FOCAD: variants seen among roughly 807,000 people sequenced by gnomAD.
The protein encoded by FOCAD is focadhesin.
In FOCAD, 198 loss-of-function variants were observed where a neutral mutation model predicts 225.6. That is an observed-to-expected ratio of 0.88 (90% CI 0.78 to 0.99). The LOEUF (loss-of-function observed/expected upper bound fraction) is 0.99. Among genes scored for constraint, FOCAD ranks in the 50% least tolerant of loss-of-function variants. The pLI is 0.00. For synonymous variants in FOCAD, 897 were observed against 755.0 expected (o/e 1.19, Z -3.08); for missense variants, 2,713 against 2,123.6 (o/e 1.28, Z -5.46).
At chr9:20,677,337 A>G (rs1417875030) in intron 2 of FOCAD, among the ~76,000 whole-genome samples, 1 of 152,204 alleles carries the variant, frequency 6.6e-6, no homozygotes, top group East Asian at 1.9e-4. Context: ...TATGACCCCA[A>G]AAGCACAGGC....
At chr9:20,980,026 A>G (rs1031486643) in intron 37 of FOCAD, among the ~76,000 whole-genome samples, 1 of 152,162 alleles carries the variant, frequency 6.6e-6, no homozygotes, top group African/African-American at 2.4e-5. Flanking sequence ...GCTTGCTTGT[A>G]GTCATTCCCC....
intron 28 of FOCAD, among the ~76,000 whole-genome samples, chr9:20,936,624 C>T (rs561208171): frequency 2.3e-4 from 35 of 151,978 alleles, no homozygotes; most frequent in Non-Finnish European, 4.9e-4. Context: ...GTCAGGAGAT[C>T]GAGACTGTCC....
chr9:20,898,855 G>A (rs2131963720), intron 21 of FOCAD, among the ~76,000 whole-genome samples: 1 of 152,070 alleles, frequency 6.6e-6, no homozygotes, highest in Middle Eastern at 3.4e-3. Flanking sequence ...TAATGTAGTG[G>A]TAAGGTGTTG....
intron 2 of FOCAD, among the ~76,000 whole-genome samples, chr9:20,672,543 C>T (rs952747965): frequency 3.9e-5 from 6 of 152,180 alleles, no homozygotes; most frequent in African/African-American, 1.4e-4. Flanking sequence ...CTCTGCCTCC[C>T]GGGCTCACGC....
chr9:20,699,419 C>G (rs1823653963), intron 1 of FOCAD, among the ~76,000 whole-genome samples: 1 of 151,782 alleles, frequency 6.6e-6, no homozygotes, highest in South Asian at 2.1e-4. Flanking sequence ...ATCATATATA[C>G]TAGTTTTAAC....
At chr9:20,947,639 T>C (rs931351133) in intron 30 of FOCAD, among the ~76,000 whole-genome samples, 1 of 152,102 alleles carries the variant, frequency 6.6e-6, no homozygotes, top group African/African-American at 2.4e-5. Flanking sequence ...GTAAAGATGA[T>C]AAATTTTAAG....
intron 1 of FOCAD, among the ~76,000 whole-genome samples, chr9:20,688,402 C>T (rs1171192341): frequency 6.6e-6 from 1 of 152,010 alleles, no homozygotes; most frequent in Non-Finnish European, 1.5e-5. Context: ...TTATGACTTG[C>T]CGAGATAGGA....
At chr9:20,892,516 G>A (rs1187045202) in intron 21 of FOCAD, among the ~76,000 whole-genome samples, 1 of 152,068 alleles carries the variant, frequency 6.6e-6, no homozygotes, top group Non-Finnish European at 1.5e-5. Context: ...TTTCGGTGGA[G>A]GAAGTCACTG....
At position 20,767,907 on chromosome 9, in the gene FOCAD, A is replaced by G. The variant is rs975004089; in HGVS notation, c.700-2125A>G. Among the ~76,000 whole-genome samples, 8 of 152,220 alleles carry G rather than the reference A, an allele frequency of 5.3e-5. No homozygotes were observed. In the East Asian group the frequency reaches 1.2e-3, roughly 22 times the overall value. On this transcript the variant is annotated intron_variant, in intron 7 of 43. Transcript: ENST00000338382. ...GGACATGAAGTCCTTGCCCATGCCT[A>G]TGTCCTGAATGGTGATGCCTAGGTT...
At chr9:20,844,957 T>C (rs1826930156) in intron 15 of FOCAD, among the ~76,000 whole-genome samples, 1 of 152,092 alleles carries the variant, frequency 6.6e-6, no homozygotes, top group Non-Finnish European at 1.5e-5. Context: ...ACTGTAAATG[T>C]TTATTTTCAT....
rs763121338 is a variant in FOCAD at position 20,789,609 on chromosome 9, G to T, written c.1455+1G>T. ...ATTAGCCCAAGCAGATTCCTCCCAGGTAAAGCAAGAGAATAATGGAACAAT... is the reference window on the plus strand; with the variant it reads ...ATTAGCCCAAGCAGATTCCTCCCAGTTAAAGCAAGAGAATAATGGAACAAT... On this transcript the variant is annotated splice_donor_variant, in intron 11 of 43. Transcript: ENST00000338382. LOFTEE classifies it high-confidence loss of function. 66 of 1,613,476 alleles carry T rather than the reference G, an allele frequency of 4.1e-5. No homozygotes were observed. Among genetic ancestry groups the T allele is most frequent in the Non-Finnish European group, 5.4e-5 (64 of 1,179,696 alleles).
At chr9:20,876,514 A>C (rs1986632) in intron 19 of FOCAD, among the ~76,000 whole-genome samples, 91,323 of 151,944 alleles carry the variant, frequency 0.6, 27,627 homozygotes, top group East Asian at 0.67. Flanking sequence ...TATTACCTGG[A>C]TCTTCTACAT....
At position 20,761,455 on chromosome 9, in the gene FOCAD, C is replaced by G. The variant is rs563463258; in HGVS notation, c.494+3264C>G. On this transcript the variant is annotated intron_variant, in intron 6 of 43. Transcript: ENST00000338382. ...TTTTTTTTTGTGGCAGAGTCTCACT[C>G]TGTTGCCCAGGCTGGAGTGCAGTGG... Among the ~76,000 whole-genome samples, 17 of 152,010 alleles carry G rather than the reference C, an allele frequency of 1.1e-4. No individual in the cohort carries two copies. The East Asian group carries it at 1.5e-3, about 14-fold the overall frequency.
chr9:20,832,068 T>C (rs966652084), intron 15 of FOCAD, among the ~76,000 whole-genome samples: 1 of 152,118 alleles, frequency 6.6e-6, no homozygotes, highest in African/African-American at 2.4e-5. Flanking sequence ...TACTGTGTTG[T>C]ATGGCTGTAT....
chr9:20,657,275 G>A (rs1821519217), upstream of FOCAD, among the ~76,000 whole-genome samples: 1 of 130,756 alleles, frequency 7.6e-6, no homozygotes, highest in Non-Finnish European at 1.6e-5. Flanking sequence ...CTCTTCTCGA[G>A]GAGTATCTTT....
In FOCAD at chr9:20,915,913, C is replaced by G. The variant is rs188940309; in HGVS notation, c.2808-980C>G. On this transcript the variant is annotated intron_variant, in intron 23 of 43. Coordinates refer to ENST00000338382, the MANE Select transcript of FOCAD (RefSeq NM_001375567.1). Reference sequence around the variant, plus strand: ...CCAATGAAATATTACATTGAATGGACTATATTCCATTTAGGAATACGGAAA... The same window carrying G: ...CCAATGAAATATTACATTGAATGGAGTATATTCCATTTAGGAATACGGAAA... Among the ~76,000 whole-genome samples, 3 of 152,146 alleles carry G rather than the reference C, an allele frequency of 2.0e-5. No individual in the cohort carries two copies. In the East Asian group the frequency reaches 5.8e-4, roughly 29 times the overall value.
intron 15 of FOCAD, among the ~76,000 whole-genome samples, chr9:20,844,349 C>CTTTTTTTTTT (rs58468376): frequency 1.2e-4 from 9 of 77,254 alleles, no homozygotes; most frequent in Non-Finnish European, 1.6e-4. Context: ...AGGAAATTTC[C>CTTTTTTTTTT]TTTTTTTTTT....
chr9:20,708,613 T>A (rs1824580739), intron 1 of FOCAD, among the ~76,000 whole-genome samples: 2 of 151,742 alleles, frequency 1.3e-5, no homozygotes, highest in South Asian at 2.1e-4. Context: ...CTACAAAAAA[T>A]TTTAAAAAAA....
At chr9:20,961,431 T>C (rs1838719212) in intron 35 of FOCAD, among the ~76,000 whole-genome samples, 2 of 152,120 alleles carry the variant, frequency 1.3e-5, no homozygotes, top group East Asian at 3.8e-4. Flanking sequence ...GTTTATTTTG[T>C]ACTATCCCCA....
Sources: allele counts gnomAD v4.1 joint callset (sites outside exome capture counted in the v4.1 genomes callset), GRCh38; gene constraint gnomAD v4.1.1; transcripts MANE v1.5; gene names NCBI Gene and HGNC (gene_info 2026-07-23, HGNC 2026-07-21).